The following CRPPA variants were observed in gnomAD, a reference collection of about 807,000 sequenced individuals.
The protein encoded by CRPPA is D-ribitol-5-phosphate cytidylyltransferase.
In CRPPA, 43 loss-of-function variants were observed where a neutral mutation model predicts 52.0. The ratio of observed to expected loss-of-function variants is 0.83; its 90% confidence interval spans 0.65 to 1.07. CRPPA has a LOEUF of 1.07. Among genes scored for constraint, CRPPA ranks in the 50% least tolerant of loss-of-function variants. The probability of loss-of-function intolerance (pLI) is 0.00; values close to 1 mark genes in which losing one functional copy is unlikely to be tolerated. For synonymous variants in CRPPA, 250 were observed against 203.5 expected, an observed-to-expected ratio of 1.23 and a Z score of -1.94; for missense variants, 629 against 551.7, an observed-to-expected ratio of 1.14 and a Z score of -1.40.
intron 9 of CRPPA, among the ~76,000 whole-genome samples, chr7:16,139,177 G>A (rs972594133): frequency 6.6e-6 from 1 of 152,190 alleles, no homozygotes; most frequent in African/African-American, 2.4e-5. Flanking sequence ...GCAGCGTGGA[G>A]TATTTGGAGG....
chr7:16,140,866 G>A (rs1389830213), intron 9 of CRPPA, among the ~76,000 whole-genome samples: 6 of 151,996 alleles, frequency 3.9e-5, no homozygotes, highest in South Asian at 2.1e-4. Flanking sequence ...ATTGTTTATC[G>A]AACTCTTTTT....
chr7:16,360,158 T>G (rs1448532523), intron 3 of CRPPA, among the ~76,000 whole-genome samples: 1 of 152,244 alleles, frequency 6.6e-6, no homozygotes, highest in East Asian at 1.9e-4. Flanking sequence ...AAAGTATTTT[T>G]TAGAAAGTAG....
chr7:16,417,297 A>G (rs369513282), intron 1 of CRPPA, among the ~76,000 whole-genome samples: 2 of 152,258 alleles, frequency 1.3e-5, no homozygotes, highest in African/African-American at 4.8e-5. Context: ...TAGTGGGTAT[A>G]TATCCAAAAG....
At chr7:16,399,209 A>G (rs1562682255) in intron 2 of CRPPA, among the ~76,000 whole-genome samples, 1 of 152,352 alleles carries the variant, frequency 6.6e-6, no homozygotes, top group East Asian at 1.9e-4. Context: ...TGACCAACAC[A>G]TTTGTGACAC....
At chr7:16,286,033 AAAAAAATAT>A (rs1562608240) in intron 5 of CRPPA, among the ~76,000 whole-genome samples, 37 of 21,942 alleles carry the variant, frequency 1.7e-3, no homozygotes, top group African/African-American at 4.4e-3. Flanking sequence ...AAAAAAAAAA[AAAAAAATAT>A]AAATATATAT....
At chr7:16,394,675 T>C (rs929221558) in intron 2 of CRPPA, among the ~76,000 whole-genome samples, 1 of 152,168 alleles carries the variant, frequency 6.6e-6, no homozygotes, top group Non-Finnish European at 1.5e-5. Flanking sequence ...CATCCATATT[T>C]CAGATACAAT....
chr7:16,334,219 C>CTA (rs1462901679), intron 3 of CRPPA, among the ~76,000 whole-genome samples: 2 of 152,134 alleles, frequency 1.3e-5, no homozygotes, highest in African/African-American at 2.4e-5. Context: ...CCGCATAGCC[C>CTA]AGGTGTCCTC....
chr7:16,227,365 A>G (rs1347287221), intron 8 of CRPPA, among the ~76,000 whole-genome samples: 2 of 151,848 alleles, frequency 1.3e-5, no homozygotes, highest in African/African-American at 4.8e-5. Flanking sequence ...AAGGGAATGT[A>G]TGGGTTCCCT....
intron 9 of CRPPA, among the ~76,000 whole-genome samples, chr7:16,137,714 T>C (rs527412516): frequency 1.8e-4 from 27 of 152,334 alleles, no homozygotes; most frequent in South Asian, 8.3e-4. Context: ...TTTTAGTTTT[T>C]ATTAGAATAT....
chr7:16,352,581 T>C (rs1345348779), intron 3 of CRPPA, among the ~76,000 whole-genome samples: 1 of 152,158 alleles, frequency 6.6e-6, no homozygotes, highest in Non-Finnish European at 1.5e-5. Context: ...TTACATTTCA[T>C]TTGATAACAG....
chr7:16,199,044 A>C lies in CRPPA; in HGVS notation c.1251+17022T>G, dbSNP rs145457768. Reference sequence around the variant, plus strand: ...TAACATACACAACTAGCCTAAACACATTCACACTGACCAACCCTTTGTAAT... The same window carrying C: ...TAACATACACAACTAGCCTAAACACCTTCACACTGACCAACCCTTTGTAAT... On this transcript the variant is annotated intron_variant, in intron 9 of 9. Coordinates refer to ENST00000407010, the MANE Select transcript of CRPPA (RefSeq NM_001101426.4). Among the ~76,000 whole-genome samples, 13 of 152,240 alleles carry C rather than the reference A, an allele frequency of 8.5e-5. No individual in the cohort carries two copies. The East Asian group carries it at 2.3e-3, about 27-fold the overall frequency.
chr7:16,092,611 T>G (rs1319503117), intron 9 of CRPPA, among the ~76,000 whole-genome samples: 1 of 152,194 alleles, frequency 6.6e-6, no homozygotes, highest in Non-Finnish European at 1.5e-5. Context: ...CCTTCTGTCC[T>G]CAATTACTGG....
chr7:16,141,740 T>C (rs1007557545), intron 9 of CRPPA, among the ~76,000 whole-genome samples: 2 of 152,216 alleles, frequency 1.3e-5, no homozygotes, highest in Admixed American at 1.3e-4. Context: ...CAGTATAATA[T>C]ATGCATGTAC....
At chr7:16,218,878 A>G (rs1782414487) in intron 8 of CRPPA, among the ~76,000 whole-genome samples, 1 of 151,390 alleles carries the variant, frequency 6.6e-6, no homozygotes. Flanking sequence ...CATTAGACAG[A>G]TCAACGAGAC....
intron 9 of CRPPA, among the ~76,000 whole-genome samples, chr7:16,191,605 A>G (rs1440496025): frequency 6.6e-6 from 1 of 152,124 alleles, no homozygotes; most frequent in Non-Finnish European, 1.5e-5. Flanking sequence ...CTTATTTGCT[A>G]AAAGAATGAA....
chr7:16,157,923 G>A (rs768901971), intron 9 of CRPPA, among the ~76,000 whole-genome samples: 2 of 151,540 alleles, frequency 1.3e-5, no homozygotes, highest in Admixed American at 6.6e-5. Flanking sequence ...CGCCCAGGCT[G>A]GAATAGAGCA....
chr7:16,419,745 T>G (rs1196064370), intron 1 of CRPPA, among the ~76,000 whole-genome samples: 1 of 151,796 alleles, frequency 6.6e-6, no homozygotes, highest in Non-Finnish European at 1.5e-5. Context: ...ATAGACCCCC[T>G]ATGATTCCAT....
rs766268683 is a variant in CRPPA, at chr7:16,303,491, A to AAAAAAAAAAAAAAAAAAAAAAAAAC, written c.790-2026_790-2025insGTTTTTTTTTTTTTTTTTTTTTTTT. On this transcript the variant is annotated intron_variant, in intron 4 of 9. Coordinates refer to ENST00000407010, the MANE Select transcript of CRPPA (RefSeq NM_001101426.4). ...ACATAAAATAGTAAAAAAAAAAAAA[A>AAAAAAAAAAAAAAAAAAAAAAAAAC]AAAAAAAAAAAACTTTCAGAACACA... is the stretch of plus-strand genomic sequence containing the variant. Among the ~76,000 whole-genome samples the AAAAAAAAAAAAAAAAAAAAAAAAAC allele has an allele frequency of 1.1e-3, 139 of 125,016 alleles. 2 individuals carry two copies. Among genetic ancestry groups the AAAAAAAAAAAAAAAAAAAAAAAAAC allele is most frequent in the Middle Eastern group, 4.9e-3 (1 of 204 alleles). The allele number at this position is 125,016 out of a possible 152,430, so 82.0% of individuals were successfully genotyped here. A position where few individuals can be genotyped will look rare whatever the true frequency, so the allele number is the denominator to read the frequency against.
intron 9 of CRPPA, among the ~76,000 whole-genome samples, chr7:16,116,675 A>AAAAGGAAAGGAAAGGGAAGGGAAG (rs6150004): frequency 1.0e-5 from 1 of 96,620 alleles, no homozygotes; most frequent in African/African-American, 3.5e-5. Flanking sequence ...AAAAAAAAAA[A>AAAAGGAAAGGAAAGGGAAGGGAAG]GGAAAGGAAA....
Sources: gnomAD v4.1 joint callset for allele counts (sites outside exome capture counted in the v4.1 genomes callset) on GRCh38, gnomAD v4.1.1 for gene constraint, MANE v1.5 for transcripts, NCBI Gene and HGNC (gene_info 2026-07-23, HGNC 2026-07-21) for gene names.